FAM3B: variants seen among roughly 807,000 people sequenced by gnomAD.
FAM3B encodes FAM3 metabolism regulating signaling molecule B, also known as protein FAM3B.
A neutral mutation model predicts 28.4 loss-of-function variants in FAM3B; 29 were observed. The ratio of observed to expected loss-of-function variants is 1.02; its 90% CI spans 0.76 to 1.39. FAM3B has a LOEUF of 1.39. Among genes scored for constraint, FAM3B ranks in the 40% most tolerant of loss-of-function variants. The pLI is 0.00. For synonymous variants in FAM3B, 91 were observed against 103.0 expected, an observed-to-expected ratio of 0.88 and a Z score of 0.71; for missense variants, 266 against 293.9, an observed-to-expected ratio of 0.91 and a Z score of 0.69.
At chr21:41,350,728 C>G (rs1033020516) in intron 7 of FAM3B, among the ~76,000 whole-genome samples, 3 of 152,220 alleles carry the variant, frequency 2.0e-5, no homozygotes, top group Non-Finnish European at 2.9e-5. Flanking sequence ...GCGTGGATCT[C>G]CAGGAGAAAA....
chr21:41,331,619 T>C (rs1387645408), intron 2 of FAM3B, among the ~76,000 whole-genome samples: 1 of 152,228 alleles, frequency 6.6e-6, no homozygotes, highest in Non-Finnish European at 1.5e-5. Context: ...TTATGTGGTG[T>C]GAGATGAGGA....
chr21:41,346,870 A>G (rs1197022188), intron 5 of FAM3B, 143 bp from the exon 6 acceptor site: 1 of 712,614 alleles, frequency 1.4e-6, no homozygotes, highest in African/African-American at 1.7e-5. Flanking sequence ...CTAGCACACC[A>G]TCTGCAGGGT....
chr21:41,319,551 G>A (rs534131610), intron 1 of FAM3B: 4 of 152,448 alleles, frequency 2.6e-5, no homozygotes, highest in Non-Finnish European at 2.9e-5. Flanking sequence ...TCCTCCCATC[G>A]GGGCAGGCCC....
intron 3 of FAM3B, among the ~76,000 whole-genome samples, chr21:41,341,907 A>G (rs2089010070): frequency 6.6e-6 from 1 of 152,216 alleles, no homozygotes; most frequent in Non-Finnish European, 1.5e-5. Context: ...AACAGGTTAC[A>G]CTTATAGGTA....
In FAM3B at chr21:41,326,565, G is replaced by C. The variant is rs1337436653; in HGVS notation, c.163+3499G>C. Among the ~76,000 whole-genome samples, 1 of 152,252 alleles carries C rather than the reference G, an allele frequency of 6.6e-6. No individual in the cohort carries two copies. The highest frequency in any genetic ancestry group is 2.4e-5 in the African/African-American group (1 of 41,470). On this transcript the variant is annotated intron_variant, in intron 2 of 7. Transcript: ENST00000357985. The surrounding 1 kb of genome is among the most constrained non-coding windows in gnomAD (Gnocchi z 4.0). ...CAGAGCGCCAGGGGCTGCAAGTCTA[G>C]AAGCTGGGGAGGAGGCCATGCTCAT...
At chr21:41,317,401 A>C (rs1425943177) in intron 1 of FAM3B, among the ~76,000 whole-genome samples, 2 of 152,138 alleles carry the variant, frequency 1.3e-5, no homozygotes, top group Non-Finnish European at 1.5e-5. Flanking sequence ...ACGACTTGAC[A>C]CTGTGGACGA....
At chr21:41,304,548 C>G (rs988940064) in intron 1 of FAM3B, among the ~76,000 whole-genome samples, 7 of 152,234 alleles carry the variant, frequency 4.6e-5, no homozygotes, top group African/African-American at 1.7e-4. Flanking sequence ...TGGCACCCAT[C>G]TGCACTCATC....
intron 1 of FAM3B, among the ~76,000 whole-genome samples, 161 bp downstream of exon 1, chr21:41,317,059 G>T (rs1006901272): frequency 6.6e-6 from 1 of 152,230 alleles, no homozygotes; most frequent in African/African-American, 2.4e-5. Flanking sequence ...TCAGGAATGC[G>T]GGAAGCGATT....
At chr21:41,323,448 T>G (rs1324586178) in intron 2 of FAM3B, among the ~76,000 whole-genome samples, 1 of 152,152 alleles carries the variant, frequency 6.6e-6, no homozygotes, top group Non-Finnish European at 1.5e-5. Context: ...TGTAAAGTCT[T>G]GGGAAGCAAA....
At position 41,316,849 on chromosome 21, in the gene FAM3B, C is replaced by A; in HGVS notation, c.-31C>A. On this transcript the variant is annotated 5_prime_UTR_variant, in exon 1 of 8. Transcript: ENST00000357985. ...GGCTGCGGTCGCCTGGGAGCTGCCG[C>A]CAGGGCCAGGAGGGGAGCGGCACCT... 7.0e-7 allele frequency: 1 copy of A among 1,437,650 alleles called. No homozygotes were observed. The highest frequency in any genetic ancestry group is 9.1e-7 in the Non-Finnish European group (1 of 1,098,572). The allele number at this position is 1,437,650 out of a possible 1,614,324, so 89.1% of individuals were successfully genotyped here. A position where few individuals can be genotyped will look rare whatever the true frequency, so the allele number is the denominator to read the frequency against.
At chr21:41,318,870 T>C (rs748192478) in intron 1 of FAM3B, among the ~76,000 whole-genome samples, 1 of 152,158 alleles carries the variant, frequency 6.6e-6, no homozygotes, top group Non-Finnish European at 1.5e-5. Flanking sequence ...TTGGTTTCAG[T>C]ATTACTTTCT....
At chr21:41,324,608 A>G (rs1221836578) in intron 2 of FAM3B, among the ~76,000 whole-genome samples, 2 of 152,230 alleles carry the variant, frequency 1.3e-5, no homozygotes, top group Non-Finnish European at 2.9e-5. Flanking sequence ...GCCTACTGTG[A>G]AAGTCCATTT....
intron 7 of FAM3B, among the ~76,000 whole-genome samples, chr21:41,352,824 T>TAAATAAATAAAC (rs1428789090): frequency 6.6e-5 from 10 of 151,634 alleles, no homozygotes; most frequent in African/African-American, 2.2e-4. Context: ...AATAAATAAA[T>TAAATAAATAAAC]AAAGGAAGAA....
At chr21:41,304,429 T>TGCACCGGCGGTTTCCC (rs1383746785) in intron 1 of FAM3B, 1 of 374,564 alleles carries the variant, frequency 2.7e-6, no homozygotes, top group African/African-American at 2.1e-5. Flanking sequence ...CCAGGTTGCC[T>TGCACCGGCGGTTTCCC]GCACCGGCGG....
At chr21:41,323,693 A>G (rs528690037) in intron 2 of FAM3B, among the ~76,000 whole-genome samples, 2 of 152,280 alleles carry the variant, frequency 1.3e-5, no homozygotes, top group African/African-American at 4.8e-5. Flanking sequence ...CTGATACCCT[A>G]GTGAGGGGAG....
At chr21:41,325,827 C>T (rs983467804) in intron 2 of FAM3B, among the ~76,000 whole-genome samples, 11 of 152,308 alleles carry the variant, frequency 7.2e-5, no homozygotes, top group Admixed American at 3.9e-4. Context: ...CAAGGCTGTG[C>T]GAGCTCTATA....
At chr21:41,347,249 C>CA (rs918397108) in intron 6 of FAM3B, 149 bp downstream of exon 6, 2 of 682,040 alleles carry the variant, frequency 2.9e-6, no homozygotes, top group Non-Finnish European at 5.2e-6. Flanking sequence ...AAGATCATGA[C>CA]AAAATAGATG....
chr21:41,338,080 C>T (rs1035373624), intron 2 of FAM3B, among the ~76,000 whole-genome samples: 1 of 152,046 alleles, frequency 6.6e-6, no homozygotes, highest in South Asian at 2.1e-4. Context: ...CATTGCCCAC[C>T]AAGAATGTCA....
intron 4 of FAM3B, 49 bp downstream of exon 4, chr21:41,344,583 A>C: frequency 1.3e-6 from 2 of 1,529,696 alleles, no homozygotes; most frequent in Non-Finnish European, 1.8e-6. Flanking sequence ...CTCTCTGGTC[A>C]GATTTTCAAA....
Sources: allele counts gnomAD v4.1 joint callset (sites outside exome capture counted in the v4.1 genomes callset), GRCh38; gene constraint gnomAD v4.1.1; non-coding constraint Gnocchi (gnomAD v3.1); transcripts MANE v1.5; gene names NCBI Gene and HGNC (gene_info 2026-07-23, HGNC 2026-07-21).